ZMYND12: variants seen among roughly 807,000 people sequenced by gnomAD.
ZMYND12 encodes zinc finger MYND domain-containing protein 12.
ZMYND12 carries 32 observed loss-of-function variants against 41.7 expected under a neutral mutation model. That is an observed-to-expected ratio of 0.77 (90% CI 0.58 to 1.03). The LOEUF is 1.03. Among genes scored for constraint, ZMYND12 ranks in the 50% least tolerant of loss-of-function variants. ZMYND12 has a pLI of 0.00. For synonymous variants in ZMYND12, 148 were observed against 164.8 expected (o/e 0.90, Z 0.78); for missense variants, 424 against 438.5 (o/e 0.97, Z 0.30).
intron 5 of ZMYND12, 21 bp downstream of exon 5, chr1:42,436,400 C>G (rs914919047): frequency 1.9e-6 from 3 of 1,612,182 alleles, no homozygotes; most frequent in Non-Finnish European, 2.5e-6. Flanking sequence ...GAAGGCTCAG[C>G]TCCCACATTC....
chr1:42,440,906 G>T (rs1249376193), intron 3 of ZMYND12, among the ~76,000 whole-genome samples: 1 of 152,064 alleles, frequency 6.6e-6, no homozygotes, highest in African/African-American at 2.4e-5. Context: ...GACATCAGGT[G>T]ATCCACCCAC....
chr1:42,436,376 C>T (rs767895611), intron 5 of ZMYND12, 45 bp downstream of exon 5: 15 of 1,608,916 alleles, frequency 9.3e-6, no homozygotes, highest in African/African-American at 1.3e-5. Flanking sequence ...TTGTAAGACA[C>T]CAAGCCTAAG....
intron 7 of ZMYND12, among the ~76,000 whole-genome samples, 175 bp from the exon 8 acceptor site, chr1:42,431,033 T>C (rs1293434037): frequency 6.6e-6 from 1 of 152,218 alleles, no homozygotes; most frequent in African/African-American, 2.4e-5. Flanking sequence ...GCTAGCCACA[T>C]GTGCGCTGGG....
intron 3 of ZMYND12, among the ~76,000 whole-genome samples, chr1:42,444,090 T>C (rs899137311): frequency 6.6e-6 from 1 of 152,202 alleles, no homozygotes; most frequent in Non-Finnish European, 1.5e-5. Context: ...CTTGAATTCC[T>C]GGGCTCAAGA....
chr1:42,453,536 CA>C (rs1347943062), intron 1 of ZMYND12, among the ~76,000 whole-genome samples: 6 of 152,070 alleles, frequency 3.9e-5, no homozygotes, highest in African/African-American at 1.5e-4. Context: ...ACACACTCAC[CA>C]ACAATTAAAA....
At chr1:42,434,222 T>C (rs17378839) in intron 6 of ZMYND12, among the ~76,000 whole-genome samples, 12,663 of 152,244 alleles carry the variant, frequency 0.083, 727 homozygotes, top group Middle Eastern at 0.17. Context: ...CCTCTGTGTC[T>C]TTTCATTGTC....
chr1:42,449,456 T>A (rs1643059812), intron 2 of ZMYND12, among the ~76,000 whole-genome samples: 1 of 152,162 alleles, frequency 6.6e-6, no homozygotes, highest in East Asian at 1.9e-4. Context: ...ATGAGGCCAT[T>A]AGGGTGGGCC....
chr1:42,442,536 AT>A (rs1397100711), intron 3 of ZMYND12, among the ~76,000 whole-genome samples: 3 of 152,108 alleles, frequency 2.0e-5, no homozygotes, highest in Non-Finnish European at 4.4e-5. Flanking sequence ...TCCTGGGGAA[AT>A]TTGTCAGAAC....
At chr1:42,433,115 G>C in intron 7 of ZMYND12, 28 bp downstream of exon 7, 1 of 1,605,784 alleles carries the variant, frequency 6.2e-7, no homozygotes, top group Non-Finnish European at 8.5e-7. Flanking sequence ...CTTCATTTTA[G>C]ACGTGTTGCT....
At chr1:42,433,767 T>C (rs1642879688) in intron 6 of ZMYND12, among the ~76,000 whole-genome samples, 1 of 152,218 alleles carries the variant, frequency 6.6e-6, no homozygotes, top group Non-Finnish European at 1.5e-5. Context: ...AGCAACAACC[T>C]TCATGCTTCC....
rs186142104 is a variant in ZMYND12 at position 42,443,798 on chromosome 1, C to T, written c.425-3773G>A. On this transcript the variant is annotated intron_variant, in intron 3 of 7. Transcript: ENST00000372565. ...AATTGATTGAGTCTCTATCACAATG[C>T]ATGATGCTCAATGCACACTAAGACA... 4.7e-4 allele frequency among the ~76,000 whole-genome samples: 71 copies of T among 152,260 alleles called. 1 individual carries two copies. The East Asian group carries it at 0.012, about 25-fold the overall frequency.
chr1:42,437,679 A>T (rs1053032318), intron 4 of ZMYND12, among the ~76,000 whole-genome samples: 1 of 145,406 alleles, frequency 6.9e-6, no homozygotes, highest in Non-Finnish European at 1.5e-5. Flanking sequence ...CACCTGGCTA[A>T]TTTTCATATT....
chr1:42,455,832 G>C, intron 1 of ZMYND12, 56 bp downstream of exon 1: 1 of 1,388,658 alleles, frequency 7.2e-7, no homozygotes, highest in Non-Finnish European at 1.0e-6. Flanking sequence ...GCCAGACCCG[G>C]GAAAGGGAGA....
intron 3 of ZMYND12, among the ~76,000 whole-genome samples, chr1:42,444,077 G>T (rs771054692): frequency 1.3e-5 from 2 of 152,118 alleles, no homozygotes. Context: ...TGCCCAGGCT[G>T]ATCTTGAATT....
intron 3 of ZMYND12, among the ~76,000 whole-genome samples, chr1:42,440,968 TTAA>T (rs1432349944): frequency 6.6e-6 from 1 of 152,124 alleles, no homozygotes; most frequent in African/African-American, 2.4e-5. Flanking sequence ...GTGTCTGGCC[TTAA>T]TTGTTCTTTA....
intron 6 of ZMYND12, 98 bp from the exon 7 acceptor site, chr1:42,433,386 C>G (rs969826539): frequency 5.0e-6 from 7 of 1,391,296 alleles, no homozygotes; most frequent in Non-Finnish European, 6.7e-6. Flanking sequence ...TCTGCTGAAG[C>G]CTTCCCAAGG....
rs376513518 is a variant in ZMYND12, at chr1:42,434,766, T to G, written c.829+508A>C. Among the ~76,000 whole-genome samples the G allele has an allele frequency of 1.1e-4, 16 of 152,104 alleles. No individual in the cohort carries two copies. The South Asian group carries it at 2.1e-3, about 20-fold the overall frequency. ...AGGAAAACAAGCTCAGGGCTCCCAC[T>G]GATTCTACATTATGATGCATGGTAT... On this transcript the variant is annotated intron_variant, in intron 6 of 7. Transcript: ENST00000372565.
At chr1:42,455,703 G>A (rs1557773589) in intron 1 of ZMYND12, among the ~76,000 whole-genome samples, 185 bp downstream of exon 1, 1 of 152,216 alleles carries the variant, frequency 6.6e-6, no homozygotes, top group African/African-American at 2.4e-5. Context: ...GAAAACATGA[G>A]TGACGAATAA....
rs148273819 is a variant in ZMYND12, at chr1:42,445,647, G to A, written c.424+2820C>T. ...CTGAGGAACTGAGAGAAGGCCGGTC[G>A]GTGTAACTGGAAGGGAGGGAGAAAA... On this transcript the variant is annotated intron_variant, in intron 3 of 7. Transcript: ENST00000372565. Among the ~76,000 whole-genome samples, 159 of 152,116 alleles carry A rather than the reference G, an allele frequency of 1.0e-3. 1 individual carries two copies. Among genetic ancestry groups the A allele is most frequent in the African/African-American group, 3.7e-3 (152 of 41,486 alleles).
Sources: allele counts gnomAD v4.1 joint callset (sites outside exome capture counted in the v4.1 genomes callset), GRCh38; gene constraint gnomAD v4.1.1; transcripts MANE v1.5; gene names NCBI Gene and HGNC (gene_info 2026-07-23, HGNC 2026-07-21).